The following IQGAP1 variants were observed in gnomAD, a reference collection of about 807,000 sequenced individuals.
The protein encoded by IQGAP1 is ras GTPase-activating-like protein IQGAP1.
In IQGAP1, 66 loss-of-function variants were observed where a neutral mutation model predicts 215.6. The observed-to-expected ratio is 0.31, with a 90% CI of 0.25 to 0.38. IQGAP1 has a LOEUF of 0.38. Among genes scored for constraint, IQGAP1 ranks in the 10% least tolerant of loss-of-function variants. The pLI is 1.00. For synonymous variants in IQGAP1, 772 were observed against 728.7 expected (o/e 1.06, Z -0.96); for missense variants, 1,712 against 1,997.1 (o/e 0.86, Z 2.72).
In IQGAP1 at chr15:90,443,687, C is replaced by T. The variant is rs918467144; in HGVS notation, c.913+209C>T. Among the ~76,000 whole-genome samples, 2 of 152,276 alleles carry T rather than the reference C, an allele frequency of 1.3e-5. 1 individual carries two copies. Among genetic ancestry groups the T allele is most frequent in the East Asian group, 3.9e-4 (2 of 5,192 alleles). On this transcript the variant is annotated intron_variant, in intron 9 of 37. Transcript: ENST00000268182. Reference sequence around the variant, plus strand: ...AGTCAGCCGCTTGTTCCTACACTGACAGTAGCATCATAGTAGTCTGTTTGG... The same window carrying T: ...AGTCAGCCGCTTGTTCCTACACTGATAGTAGCATCATAGTAGTCTGTTTGG...
chr15:90,498,577 A>T (rs1166712452), intron 37 of IQGAP1, among the ~76,000 whole-genome samples: 1 of 152,144 alleles, frequency 6.6e-6, no homozygotes, highest in African/African-American at 2.4e-5. Context: ...GTATTCTGTT[A>T]GGCACAGGTC....
At chr15:90,482,639 C>G (rs1273701252) in intron 28 of IQGAP1, 50 of 651,892 alleles carry the variant, frequency 7.7e-5, no homozygotes, top group Non-Finnish European at 9.9e-5. Context: ...CTTTCTTACT[C>G]AGCTATGCTC....
intron 4 of IQGAP1, chr15:90,429,966 T>A (rs1965279763): frequency 1.5e-5 from 3 of 198,898 alleles, no homozygotes; most frequent in Non-Finnish European, 3.0e-5. Context: ...TGCTGTGAGA[T>A]TCACCATTTT....
At chr15:90,420,031 C>T (rs1965111180) in intron 2 of IQGAP1, among the ~76,000 whole-genome samples, 1 of 152,180 alleles carries the variant, frequency 6.6e-6, no homozygotes, top group African/African-American at 2.4e-5. Context: ...TCCTCATAAA[C>T]ATTCTGTGGG....
intron 18 of IQGAP1, among the ~76,000 whole-genome samples, chr15:90,468,956 GA>G (rs757750765): frequency 6.6e-5 from 10 of 152,272 alleles, no homozygotes; most frequent in Admixed American, 2.6e-4. Flanking sequence ...AGCTCCCAAA[GA>G]ACTTGGTATT....
rs1965480602 is a variant in IQGAP1 at position 90,443,430 on chromosome 15, G to A, written c.865G>A (p.Glu289Lys). ...AGAGAGAGAAAGAGATGTTTATGAG[G>A]AGCTGCTCACGCAAGCTGAAATTCA... Reference protein sequence around the residue: ...NSERERDVYEELLTQAEIQGN... With the variant: ...NSERERDVYEKLLTQAEIQGN... Residue 289 changes from glutamate (E) to lysine (K), a missense_variant, in exon 9 of 38, where the codon GAG (glutamate) becomes AAG (lysine). Glu to Lys is a moderately conservative substitution (Grantham distance 56, BLOSUM62 1). This residue lies in a region of IQGAP1 where 1,021 missense variants were observed against 1,074.2 expected (regional missense o/e 0.95). Coordinates refer to ENST00000268182, the MANE Select transcript of IQGAP1 (RefSeq NM_003870.4). 1 of 1,613,474 alleles carries A rather than the reference G, an allele frequency of 6.2e-7. No individual in the cohort carries two copies. The highest frequency in any genetic ancestry group is 8.5e-7 in the Non-Finnish European group (1 of 1,179,502).
Position 90,467,499 on chromosome 15 carries a change from T to A in IQGAP1, c.2085T>A (p.Tyr695Ter), listed in dbSNP as rs767174403. The A allele has an allele frequency of 1.2e-6, 2 of 1,613,296 alleles. No homozygotes were observed. The highest frequency in any genetic ancestry group is 3.3e-5 in the Admixed American group (2 of 59,918). The change falls in exon 18 of 38, where the codon TAT (tyrosine) becomes TAA (stop). Residue 695 changes from tyrosine to a stop codon, truncating the protein, a stop_gained. Transcript: ENST00000268182. LOFTEE classifies it high-confidence loss of function. ...WVKHWVKGGY[Y>*]YYHNLETQEG... ...AGCACTGGGTAAAAGGTGGATATTA[T>A]TATTACCACAATCTGGAGACCCAGG...
In IQGAP1 at chr15:90,453,212, A is replaced by T; in HGVS notation, c.1407A>T (p.Ser469=). ...CCCTGATCAACAGGGCATTGGAATC[A>T]GGAGATGTGAATACAGTGTGGAAGC... The part of the protein sequence containing the change: ...SVALINRALE[S]GDVNTVWKQL... Residue 469 remains serine (S), a synonymous_variant, in exon 13 of 38, where the codon TCA becomes TCT. Transcript: ENST00000268182. 1 of 1,613,958 alleles carries T rather than the reference A, an allele frequency of 6.2e-7. No individual in the cohort carries two copies.
chr15:90,403,777 G>A (rs1212587357), intron 2 of IQGAP1, among the ~76,000 whole-genome samples: 1 of 152,132 alleles, frequency 6.6e-6, no homozygotes, highest in Non-Finnish European at 1.5e-5. Flanking sequence ...GGGTTCAAGC[G>A]ATTGTCCCGC....
At chr15:90,428,517 G>T (rs1477024905) in intron 3 of IQGAP1, among the ~76,000 whole-genome samples, 1 of 152,066 alleles carries the variant, frequency 6.6e-6, no homozygotes, top group Admixed American at 6.5e-5. Context: ...AGTGGCTCAT[G>T]CCTGTAATCC....
At chr15:90,497,421 C>T in intron 37 of IQGAP1, 81 bp downstream of exon 37, 1 of 735,680 alleles carries the variant, frequency 1.4e-6, no homozygotes, top group Non-Finnish European at 2.4e-6. Flanking sequence ...AGAGGAGACT[C>T]ATCTGAGGAA....
At chr15:90,391,163 G>A (rs1160948375) in intron 2 of IQGAP1, 2 of 264,428 alleles carry the variant, frequency 7.6e-6, no homozygotes, top group Non-Finnish European at 1.5e-5. Flanking sequence ...ACTTGAGTCC[G>A]GGAGGTCGAG....
chr15:90,476,606 T>C (rs2151033399), intron 23 of IQGAP1, 57 bp from the exon 24 acceptor site: 2 of 1,371,020 alleles, frequency 1.5e-6, no homozygotes, highest in East Asian at 4.7e-5. Flanking sequence ...CTTTCCTCAA[T>C]GCCCAGAGGT....
intron 9 of IQGAP1, among the ~76,000 whole-genome samples, chr15:90,448,147 T>C (rs1222351901): frequency 6.6e-6 from 1 of 152,234 alleles, no homozygotes; most frequent in Non-Finnish European, 1.5e-5. Context: ...AAAAATATTT[T>C]TGAAACAAAA....
chr15:90,389,340 A>C (rs1363471445), intron 1 of IQGAP1, among the ~76,000 whole-genome samples: 1 of 118,208 alleles, frequency 8.5e-6, no homozygotes, highest in Non-Finnish European at 1.9e-5. Flanking sequence ...ACGGGAGGTG[A>C]CTTTTTTTTT....
Position 90,447,314 on chromosome 15 carries a change from C to A in IQGAP1, c.914-1259C>A, listed in dbSNP as rs555419410. On this transcript the variant is annotated intron_variant, in intron 9 of 37. Transcript: ENST00000268182. ...CCTACAGTGAGACCTCACATCCATA[C>A]CAATGTTTTAACCTTTTCTTCCGCC... 3.9e-5 allele frequency among the ~76,000 whole-genome samples: 6 copies of A among 152,244 alleles called. No homozygotes were observed. The East Asian group carries it at 1.2e-3, about 29-fold the overall frequency.
At chr15:90,412,655 A>T (rs181510045) in intron 2 of IQGAP1, among the ~76,000 whole-genome samples, 1 of 152,198 alleles carries the variant, frequency 6.6e-6, no homozygotes, top group African/African-American at 2.4e-5. Context: ...TACCATTACC[A>T]TATGGAAATT....
At chr15:90,395,312 G>GTT (rs11453785) in intron 2 of IQGAP1, among the ~76,000 whole-genome samples, 28 of 151,240 alleles carry the variant, frequency 1.9e-4, no homozygotes, top group African/African-American at 5.1e-4. Flanking sequence ...AAGGAGCGGG[G>GTT]TTTTTTTTGT....
intron 2 of IQGAP1, among the ~76,000 whole-genome samples, chr15:90,398,887 T>G (rs1295495107): frequency 1.3e-5 from 2 of 150,720 alleles, no homozygotes; most frequent in African/African-American, 4.9e-5. Flanking sequence ...GTGCTTGTAA[T>G]CCCAGCTACT....
Sources: allele counts gnomAD v4.1 joint callset (sites outside exome capture counted in the v4.1 genomes callset), GRCh38; gene constraint gnomAD v4.1.1; regional missense constraint gnomAD v4.1.1; transcripts MANE v1.5; gene names NCBI Gene and HGNC (gene_info 2026-07-23, HGNC 2026-07-21).